Variants in SCAF8 observed in about 807,000 individuals in gnomAD.
SCAF8 encodes the protein SR-related CTD associated factor 8.
SCAF8 carries 23 observed loss-of-function variants against 140.5 expected under a neutral mutation model. The ratio of observed to expected loss-of-function variants is 0.16; its 90% CI spans 0.12 to 0.23. The LOEUF is 0.23. Among genes scored for constraint, SCAF8 ranks in the 10% least tolerant of loss-of-function variants. The probability of loss-of-function intolerance (pLI) is 1.00; values close to 1 mark genes in which losing one functional copy is unlikely to be tolerated. For missense variants in SCAF8, 1,397 were observed against 1,555.7 expected (o/e 0.90, Z 1.72); for synonymous variants, 575 against 528.9 (o/e 1.09, Z -1.20).
Position 154,833,103 on chromosome 6 carries a change from G to A in SCAF8, c.3524G>A (p.Gly1175Glu). The change falls in exon 20 of 20, where the codon GGA becomes GAA. Residue 1175 changes from glycine to glutamate, a missense_variant. By Grantham distance (98) the Gly-to-Glu change is moderately conservative. This residue lies in a region of SCAF8 where 930 missense variants were observed against 874.6 expected (regional missense o/e 1.06). Transcript: ENST00000367178. Reference sequence around the variant, plus strand: ...TTTGATTTCTGCAGAGAAATGAATGGAAATCGTCTTGGACGAGACAGAATT... The same window carrying A: ...TTTGATTTCTGCAGAGAAATGAATGAAAATCGTCTTGGACGAGACAGAATT... ...RDFDFCREMN[G>E]NRLGRDRIQN... 6.2e-7 allele frequency: 1 copy of A among 1,614,106 alleles called. No homozygotes were observed. The highest frequency in any genetic ancestry group is 8.5e-7 in the Non-Finnish European group (1 of 1,180,010).
In SCAF8 at chr6:154,832,746, G is replaced by A. The variant is rs1562470282; in HGVS notation, c.3167G>A (p.Gly1056Asp). ...GGTCCTGGACGGCCTCCACTAGATGGTAGGGATCATTTTGGAAGACCTCCT... is the reference window on the plus strand; with the variant it reads ...GGTCCTGGACGGCCTCCACTAGATGATAGGGATCATTTTGGAAGACCTCCT... ...REGPGRPPLD[G>D]RDHFGRPPVD... is the part of the protein sequence containing the mutation. The change falls in exon 20 of 20, where the codon GGT (glycine) becomes GAT (aspartate). Residue 1056 changes from glycine to aspartate, a missense_variant. This residue lies in a region of SCAF8 where 930 missense variants were observed against 874.6 expected (regional missense o/e 1.06). Coordinates refer to ENST00000367178, the MANE Select transcript of SCAF8 (RefSeq NM_014892.5). 2 of 1,613,846 alleles carry A rather than the reference G, an allele frequency of 1.2e-6. No homozygotes were observed. The highest frequency in any genetic ancestry group is 1.3e-5 in the African/African-American group (1 of 74,882).
intron 1 of SCAF8, among the ~76,000 whole-genome samples, chr6:154,760,041 C>T (rs1779063787): frequency 6.6e-6 from 1 of 152,100 alleles, no homozygotes; most frequent in Non-Finnish European, 1.5e-5. Flanking sequence ...CCTGTAATCC[C>T]AGTACTTTGG....
At position 154,766,668 on chromosome 6, in the gene SCAF8, C is replaced by CT. The variant is rs1226739849; in HGVS notation, c.31-7321_31-7320insT. Reference sequence around the variant, plus strand: ...ACCTCCCTCCAGCAGCACCCCCCCCCCTTTTTTTTTTTTTTTGCTATATCC... The same window carrying CT: ...ACCTCCCTCCAGCAGCACCCCCCCCCTCTTTTTTTTTTTTTTTGCTATATCC... On this transcript the variant is annotated intron_variant, in intron 1 of 19. Coordinates refer to ENST00000367178, the MANE Select transcript of SCAF8 (RefSeq NM_014892.5). Among the ~76,000 whole-genome samples, 901 of 97,258 alleles carry CT rather than the reference C, an allele frequency of 9.3e-3. 16 individuals carry two copies. Among genetic ancestry groups the CT allele is most frequent in the African/African-American group, 0.036 (838 of 23,536 alleles). The allele number at this position is 97,258 out of a possible 152,430, so 63.8% of individuals were successfully genotyped here. A position where few individuals can be genotyped will look rare whatever the true frequency, so the allele number is the denominator to read the frequency against.
intron 5 of SCAF8, among the ~76,000 whole-genome samples, chr6:154,794,322 T>C (rs1777522218): frequency 6.6e-6 from 1 of 152,174 alleles, no homozygotes; most frequent in Non-Finnish European, 1.5e-5. Context: ...AATTTTTGTC[T>C]CTAAAGTAAG....
intron 1 of SCAF8, 47 bp downstream of exon 1, chr6:154,733,977 A>C: frequency 6.7e-7 from 1 of 1,484,390 alleles, no homozygotes; most frequent in Non-Finnish European, 8.9e-7. Flanking sequence ...CACCGCCCCC[A>C]CCCCTGGTCG....
intron 12 of SCAF8, among the ~76,000 whole-genome samples, chr6:154,813,133 A>T (rs773530550): frequency 3.0e-4 from 45 of 152,152 alleles, no homozygotes; most frequent in Non-Finnish European, 4.0e-4. Flanking sequence ...TGTGCCTAGG[A>T]GGTTGAGAAG....
intron 12 of SCAF8, among the ~76,000 whole-genome samples, 176 bp from the exon 13 acceptor site, chr6:154,815,540 C>T (rs1171687407): frequency 6.6e-6 from 1 of 152,148 alleles, no homozygotes; most frequent in African/African-American, 2.4e-5. Flanking sequence ...TGAATTAATA[C>T]TTGTGATTTT....
At chr6:154,828,911 A>G (rs1428700961) in intron 18 of SCAF8, among the ~76,000 whole-genome samples, 5 of 152,180 alleles carry the variant, frequency 3.3e-5, no homozygotes, top group Admixed American at 1.3e-4. Context: ...TCATTTTCAT[A>G]CAATATAGAC....
Position 154,820,283 on chromosome 6 carries a change from T to G in SCAF8, c.1742T>G (p.Leu581Trp). The change falls in exon 15 of 20, where the codon TTG becomes TGG. Residue 581 changes from leucine to tryptophan, a missense_variant. Leu to Trp is a moderately conservative substitution (Grantham distance 61, BLOSUM62 -2). This residue lies in a region of SCAF8 where 930 missense variants were observed against 874.6 expected (regional missense o/e 1.06). Transcript: ENST00000367178. Reference sequence around the variant, plus strand: ...TGGGAAAAAGTTAAAGTGGATGACTTGGAAGGTTTTGCAGAAGGAGGCATG... The same window carrying G: ...TGGGAAAAAGTTAAAGTGGATGACTGGGAAGGTTTTGCAGAAGGAGGCATG... ...IPWEKVKVDD[L>W]EGFAEGGMID... is the part of the protein sequence containing the mutation. 6.2e-7 allele frequency: 1 copy of G among 1,612,396 alleles called. No individual in the cohort carries two copies.
intron 1 of SCAF8, among the ~76,000 whole-genome samples, chr6:154,747,569 A>G (rs761196917): frequency 1.3e-5 from 2 of 152,150 alleles, no homozygotes; most frequent in Admixed American, 6.5e-5. Context: ...TTGAGGGCCT[A>G]TCAAAACAGG....
chr6:154,800,978 T>C (rs1777754837), intron 6 of SCAF8, among the ~76,000 whole-genome samples: 1 of 151,428 alleles, frequency 6.6e-6, no homozygotes, highest in Non-Finnish European at 1.5e-5. Context: ...AGACAGTAAT[T>C]GATAGACTGC....
chr6:154,777,655 T>C (rs1345950396), intron 2 of SCAF8, among the ~76,000 whole-genome samples: 1 of 152,206 alleles, frequency 6.6e-6, no homozygotes, highest in Non-Finnish European at 1.5e-5. Flanking sequence ...TTCATGAATA[T>C]AAGAATATAC....
chr6:154,771,039 C>T (rs1035742576), intron 1 of SCAF8, among the ~76,000 whole-genome samples: 2 of 152,194 alleles, frequency 1.3e-5, no homozygotes, highest in African/African-American at 4.8e-5. Context: ...GCCACTATGC[C>T]TGACCTTGGT....
rs371797746 is a variant in SCAF8, at chr6:154,832,834, T to C, written c.3255T>C (p.Phe1085=). ...ATCATCTTGGTCGAAGAGACCACTT[T>C]GGCTTTAATCCAGAGAAGCCCTGGG... The part of the protein sequence containing the change: ...GIDHLGRRDH[F]GFNPEKPWGH... The change falls in exon 20 of 20, where the codon TTT becomes TTC. Residue 1085 remains phenylalanine (F), a synonymous_variant. Transcript: ENST00000367178. The C allele has an allele frequency of 4.3e-5, 70 of 1,614,032 alleles. No homozygotes were observed. The African/African-American group carries it at 8.7e-4, about 20-fold the overall frequency.
rs181834010 is a variant in SCAF8, at chr6:154,783,908, A to C, written c.160-3953A>C. On this transcript the variant is annotated intron_variant, in intron 3 of 19. Transcript: ENST00000367178. ...AAAATGGTGAAATCCCGTCTCTACT[A>C]ATACAAAAATTAGGCAGGCGCGGTA... Among the ~76,000 whole-genome samples, 819 of 151,296 alleles carry C rather than the reference A, an allele frequency of 5.4e-3. 10 individuals carry two copies. The highest frequency in any genetic ancestry group is 0.019 in the African/African-American group (777 of 41,368).
At chr6:154,831,741 A>G (rs1482548518) in intron 19 of SCAF8, among the ~76,000 whole-genome samples, 198 bp from the exon 20 acceptor site, 1 of 96,814 alleles carries the variant, frequency 1.0e-5, no homozygotes, top group African/African-American at 3.6e-5. Flanking sequence ...AAAAAAAAAA[A>G]AGAATTATGG....
At chr6:154,808,301 A>G (rs1754283430) in intron 10 of SCAF8, 100 bp downstream of exon 10, 3 of 1,172,534 alleles carry the variant, frequency 2.6e-6, no homozygotes, top group Non-Finnish European at 3.7e-6. Flanking sequence ...TTTTTCCCAC[A>G]CTTAAGCTCC....
chr6:154,766,742 C>T (rs1025783098), intron 1 of SCAF8, among the ~76,000 whole-genome samples: 24 of 129,508 alleles, frequency 1.9e-4, no homozygotes, highest in Non-Finnish European at 3.4e-4. Flanking sequence ...CCTATGAAGT[C>T]ATGTGCAACA....
intron 16 of SCAF8, among the ~76,000 whole-genome samples, 179 bp downstream of exon 16, chr6:154,822,588 T>A (rs544534811): frequency 3.3e-5 from 5 of 152,322 alleles, no homozygotes; most frequent in South Asian, 4.1e-4. Flanking sequence ...TGCTGTGGTA[T>A]CATTGTGCTA....
Sources: allele counts gnomAD v4.1 joint callset (sites outside exome capture counted in the v4.1 genomes callset), GRCh38; gene constraint gnomAD v4.1.1; regional missense constraint gnomAD v4.1.1; transcripts MANE v1.5; gene names NCBI Gene and HGNC (gene_info 2026-07-23, HGNC 2026-07-21).